Variants in RASA3 observed in about 807,000 individuals in gnomAD.
The protein encoded by RASA3 is RAS p21 protein activator 3, also known as ras GTPase-activating protein 3.
In RASA3, 73 loss-of-function variants were observed where a neutral mutation model predicts 110.0. The ratio of observed to expected loss-of-function variants is 0.66; its 90% CI spans 0.55 to 0.81. The LOEUF (loss-of-function observed/expected upper bound fraction) is 0.81, where lower values mean the gene tolerates loss of function less well. RASA3 is among the 30% of genes least tolerant of loss of function. The probability of loss-of-function intolerance (pLI) is 0.00; values close to 1 mark genes in which losing one functional copy is unlikely to be tolerated. For synonymous variants in RASA3, 500 were observed against 451.4 expected (o/e 1.11, Z -1.37); for missense variants, 976 against 1,113.2 (o/e 0.88, Z 1.75).
At chr13:114,090,412 G>A (rs2079875828) in intron 1 of RASA3, among the ~76,000 whole-genome samples, 1 of 152,204 alleles carries the variant, frequency 6.6e-6, no homozygotes, top group African/African-American at 2.4e-5. Context: ...ACAGTTTTGA[G>A]ACAGTTAATA....
At chr13:114,002,383 G>T (rs1429149434) in intron 18 of RASA3, among the ~76,000 whole-genome samples, 1 of 152,132 alleles carries the variant, frequency 6.6e-6, no homozygotes, top group Non-Finnish European at 1.5e-5. Context: ...ACCAGTGGAT[G>T]CCGAACGCCG....
intron 1 of RASA3, among the ~76,000 whole-genome samples, chr13:114,075,167 GAAAC>G (rs934498593): frequency 2.0e-5 from 3 of 152,184 alleles, no homozygotes; most frequent in Non-Finnish European, 2.9e-5. Flanking sequence ...TATTCTTGTT[GAAAC>G]AAACAAAATC....
In RASA3 at chr13:114,041,109, G is replaced by A. The variant is rs200213560; in HGVS notation, c.278-15C>T. 1.6e-5 allele frequency: 25 copies of A among 1,612,002 alleles called. No individual in the cohort carries two copies. Among genetic ancestry groups the A allele is most frequent in the Admixed American group, 6.7e-5 (4 of 60,026 alleles). On this transcript the variant is annotated splice_polypyrimidine_tract_variant and intron_variant, in intron 3 of 23. Transcript: ENST00000334062. ...GGCCACCTTCCCTGCAACACAAGCAGAGAAGACTTCACCACGGGCACAGGC... is the reference window on the plus strand; with the variant it reads ...GGCCACCTTCCCTGCAACACAAGCAAAGAAGACTTCACCACGGGCACAGGC...
intron 20 of RASA3, among the ~76,000 whole-genome samples, chr13:113,998,318 G>A (rs982499053): frequency 7.9e-5 from 12 of 151,520 alleles, no homozygotes; most frequent in African/African-American, 2.2e-4. Context: ...CTCTTCCCAT[G>A]CCCTCCTCTT....
intron 16 of RASA3, 136 bp from the exon 17 acceptor site, chr13:114,009,600 AGT>A (rs2053588623): frequency 1.5e-6 from 1 of 654,232 alleles, no homozygotes; most frequent in Non-Finnish European, 2.7e-6. Flanking sequence ...TTACCGGGCA[AGT>A]GAGAGCCCGC....
In RASA3 at chr13:114,007,746, C is replaced by A; in HGVS notation, c.1669-140G>T. 2.5e-5 allele frequency: 18 copies of A among 721,638 alleles called. No individual in the cohort carries two copies. The South Asian group carries it at 2.6e-4, about 11-fold the overall frequency. 44.7% of individuals were successfully genotyped at this position (721,638 alleles called of 1,614,324 possible). A position where few individuals can be genotyped will look rare whatever the true frequency, so the allele number is the denominator to read the frequency against. On this transcript the variant is annotated intron_variant, in intron 17 of 23. Transcript: ENST00000334062. ...AGAATCTGGGCAAGTGAGTCCTTCC[C>A]CGAGGGCTGTGGGGCCTCTGCTCCC...
rs561758051 is a variant in RASA3, at chr13:114,014,885, C to A, written c.1405+324G>T. ...ACAAAGCCTGGCCACCCTTCCCGGCCCCCCCAGAGACCACTGTGGTCGTGA... is the reference window on the plus strand; with the variant it reads ...ACAAAGCCTGGCCACCCTTCCCGGCACCCCCAGAGACCACTGTGGTCGTGA... On this transcript the variant is annotated intron_variant, in intron 14 of 23. Coordinates refer to ENST00000334062, the MANE Select transcript of RASA3 (RefSeq NM_007368.4). This position sits in a 1 kb window ranked among gnomAD's most constrained non-coding sequence, Gnocchi z 4.5. Among the ~76,000 whole-genome samples the A allele has an allele frequency of 5.9e-5, 9 of 152,194 alleles. No homozygotes were observed. In the South Asian group the frequency reaches 1.2e-3, roughly 21 times the overall value.
At chr13:114,007,352 C>G (rs1306528491) in intron 18 of RASA3, among the ~76,000 whole-genome samples, 181 bp downstream of exon 18, 1 of 36,766 alleles carries the variant, frequency 2.7e-5, no homozygotes, top group Non-Finnish European at 4.8e-5. Flanking sequence ...CCTTCTCCCC[C>G]CTCCTGCCCT....
At chr13:114,097,412 C>T (rs1023529845) in intron 1 of RASA3, among the ~76,000 whole-genome samples, 1 of 152,212 alleles carries the variant, frequency 6.6e-6, no homozygotes, top group African/African-American at 2.4e-5. Context: ...ATCCTATTCC[C>T]GATTCAGGGC....
chr13:114,034,380 G>A (rs72659545), intron 4 of RASA3, among the ~76,000 whole-genome samples: 47,750 of 152,202 alleles, frequency 0.31, 8,047 homozygotes, highest in Middle Eastern at 0.44. Context: ...GACTGCATGT[G>A]GGGGGTCCTG....
chr13:114,121,998 C>T (rs1234010288), intron 1 of RASA3, among the ~76,000 whole-genome samples: 2 of 152,230 alleles, frequency 1.3e-5, no homozygotes. Context: ...CCTCCAGCCA[C>T]CGCCCCTAAA....
At chr13:114,054,031 C>T (rs1039128636) in intron 2 of RASA3, among the ~76,000 whole-genome samples, 2 of 152,132 alleles carry the variant, frequency 1.3e-5, no homozygotes, top group African/African-American at 4.8e-5. Context: ...GAGGCTGAGG[C>T]AGGAGAATCG....
At chr13:114,125,812 G>A (rs1012880013) in intron 1 of RASA3, among the ~76,000 whole-genome samples, 28 of 152,192 alleles carry the variant, frequency 1.8e-4, no homozygotes, top group Non-Finnish European at 3.4e-4. Flanking sequence ...TGCGTAAGAC[G>A]AGACGCGCTC....
At chr13:114,099,194 C>A (rs546193139) in intron 1 of RASA3, among the ~76,000 whole-genome samples, 5 of 150,856 alleles carry the variant, frequency 3.3e-5, no homozygotes, top group East Asian at 4.0e-4. Context: ...GCCACCCGAG[C>A]CCCCCAGACC....
intron 2 of RASA3, among the ~76,000 whole-genome samples, chr13:114,061,716 G>A (rs2079353800): frequency 6.6e-6 from 1 of 151,772 alleles, no homozygotes; most frequent in South Asian, 2.1e-4. Flanking sequence ...AGAAATACGA[G>A]CTTTGAAATC....
rs1162180207 is a variant in RASA3, at chr13:113,983,450, G to T, written c.2246-1592C>A. 2.5e-5 allele frequency among the ~76,000 whole-genome samples: 3 copies of T among 121,578 alleles called. 1 individual carries two copies. Among genetic ancestry groups the T allele is most frequent in the African/African-American group, 8.1e-5 (3 of 36,860 alleles). 79.8% of individuals were successfully genotyped at this position (121,578 alleles called of 152,430 possible). Reference sequence around the variant, plus strand: ...AGCGGCTTGGTTCCTCCTGACCGCTGACAGCAAAATGTGGGGAGAGAGATG... The same window carrying T: ...AGCGGCTTGGTTCCTCCTGACCGCTTACAGCAAAATGTGGGGAGAGAGATG... On this transcript the variant is annotated intron_variant, in intron 22 of 23. Transcript: ENST00000334062.
At chr13:114,097,504 C>T (rs1009320897) in intron 1 of RASA3, among the ~76,000 whole-genome samples, 6 of 152,220 alleles carry the variant, frequency 3.9e-5, no homozygotes, top group East Asian at 1.9e-4. Context: ...TGCCTCAGGG[C>T]GTTTCTCAAA....
intron 1 of RASA3, among the ~76,000 whole-genome samples, chr13:114,101,952 AGAAAGTGGG>A (rs1289186074): frequency 6.6e-6 from 1 of 152,128 alleles, no homozygotes; most frequent in Admixed American, 6.5e-5. Context: ...CCCTCTCATC[AGAAAGTGGG>A]GAGCGGGGGT....
intron 22 of RASA3, among the ~76,000 whole-genome samples, chr13:113,983,453 A>T (rs2052981122): frequency 8.2e-6 from 1 of 121,220 alleles, no homozygotes; most frequent in South Asian, 2.9e-4. Context: ...GACCGCTGAC[A>T]GCAAAATGTG....
Sources: gnomAD v4.1 joint callset for allele counts (sites outside exome capture counted in the v4.1 genomes callset) on GRCh38, gnomAD v4.1.1 for gene constraint, Gnocchi (gnomAD v3.1) non-coding constraint, MANE v1.5 for transcripts, NCBI Gene and HGNC (gene_info 2026-07-23, HGNC 2026-07-21) for gene names.